The following SV2C variants were observed in gnomAD, a reference collection of about 807,000 sequenced individuals.
SV2C encodes the protein synaptic vesicle glycoprotein 2C.
Under a neutral mutation model 79.7 loss-of-function variants are expected in SV2C, and 49 were observed. The observed-to-expected ratio is 0.61, with a 90% CI of 0.49 to 0.78. SV2C has a LOEUF of 0.78. Among genes scored for constraint, SV2C ranks in the 30% least tolerant of loss-of-function variants. SV2C has a pLI of 0.00. For synonymous variants in SV2C, 334 were observed against 333.2 expected (o/e 1.00, Z -0.03); for missense variants, 833 against 912.9 (o/e 0.91, Z 1.13).
chr5:76,181,178 A>C (rs1035803938), intron 2 of SV2C, among the ~76,000 whole-genome samples: 35 of 152,252 alleles, frequency 2.3e-4, no homozygotes, highest in African/African-American at 8.2e-4. Context: ...ATGACAACCA[A>C]CAGCTCCGAT....
At chr5:76,049,421 C>T in the SV2C span, among the ~76,000 whole-genome samples, 2 of 151,600 alleles carry the variant, frequency 1.3e-5, no homozygotes, top group Admixed American at 6.6e-5. Flanking sequence ...ATGAACTTTA[C>T]AGATTTCATT....
intron 1 of SV2C, among the ~76,000 whole-genome samples, chr5:76,098,808 C>G (rs1747644253): frequency 6.6e-6 from 1 of 152,200 alleles, no homozygotes; most frequent in African/African-American, 2.4e-5. Context: ...GACCATGAAT[C>G]CAGGTCATCT....
chr5:75,981,196 C>T, the SV2C span, among the ~76,000 whole-genome samples: 1 of 151,872 alleles, frequency 6.6e-6, no homozygotes, highest in Non-Finnish European at 1.5e-5. Context: ...CTATACAAAC[C>T]ACTGCTCAAA....
chr5:75,896,837 C>A, the SV2C span, among the ~76,000 whole-genome samples: 1 of 148,698 alleles, frequency 6.7e-6, no homozygotes, highest in African/African-American at 2.6e-5. Context: ...AGCATTTTTT[C>A]ATGTGTTTTT....
At chr5:75,900,445 A>C in the SV2C span, among the ~76,000 whole-genome samples, 13 of 152,258 alleles carry the variant, frequency 8.5e-5, no homozygotes, top group Admixed American at 7.2e-4. Flanking sequence ...TGTTAGTCTG[A>C]TGGGCTTCCC....
chr5:76,353,246 T>G, exon 13 of SV2C: 2 of 289,666 alleles, frequency 6.9e-6, no homozygotes, highest in Non-Finnish European at 1.4e-5. Flanking sequence ...CACCTGGCTT[T>G]CTTTCCATTT....
intron 2 of SV2C, among the ~76,000 whole-genome samples, chr5:76,138,169 T>C (rs1398569324): frequency 6.6e-6 from 1 of 152,202 alleles, no homozygotes; most frequent in African/African-American, 2.4e-5. Context: ...GCAAACCCTG[T>C]CATTTTAAAG....
chr5:76,041,243 C>G, the SV2C span, among the ~76,000 whole-genome samples: 1 of 152,166 alleles, frequency 6.6e-6, no homozygotes, highest in Non-Finnish European at 1.5e-5. Context: ...CATAAATGTA[C>G]CTGGACTAGA....
intron 2 of SV2C, among the ~76,000 whole-genome samples, chr5:76,152,391 T>G (rs1749631559): frequency 6.6e-6 from 1 of 152,206 alleles, no homozygotes; most frequent in Non-Finnish European, 1.5e-5. Context: ...AAAATTTCCA[T>G]CTTTGTAGCC....
chr5:75,981,960 A>C, the SV2C span, among the ~76,000 whole-genome samples: 11 of 152,092 alleles, frequency 7.2e-5, no homozygotes, highest in East Asian at 2.1e-3. Flanking sequence ...AATTTTTGCA[A>C]ACTATACATC....
the SV2C span, among the ~76,000 whole-genome samples, chr5:75,967,518 G>A: frequency 2.6e-5 from 4 of 152,208 alleles, no homozygotes; most frequent in South Asian, 2.1e-4. Flanking sequence ...CACACCAGGA[G>A]TTTATATCCC....
At chr5:76,210,685 C>A (rs968456768) in intron 4 of SV2C, among the ~76,000 whole-genome samples, 8 of 152,174 alleles carry the variant, frequency 5.3e-5, no homozygotes, top group African/African-American at 1.9e-4. Context: ...AGCCCCTCTC[C>A]CCTTCCTGGA....
At chr5:76,293,634 C>A (rs898715027) in intron 8 of SV2C, among the ~76,000 whole-genome samples, 2 of 152,104 alleles carry the variant, frequency 1.3e-5, no homozygotes, top group African/African-American at 4.8e-5. Context: ...TAAGTCATTT[C>A]TTCCTCAATA....
chr5:76,014,259 AGAAAGAAG>A, the SV2C span, among the ~76,000 whole-genome samples: 4 of 141,620 alleles, frequency 2.8e-5, no homozygotes, highest in Admixed American at 7.3e-5. Flanking sequence ...AAGAAAGGAA[AGAAAGAAG>A]GAAAGAAAGA....
chr5:75,962,881 G>A, the SV2C span, among the ~76,000 whole-genome samples: 1 of 152,078 alleles, frequency 6.6e-6, no homozygotes, highest in African/African-American at 2.4e-5. Context: ...CCAGAAAAAT[G>A]AGAAAAGATG....
intron 1 of SV2C, 58 bp from the exon 2 acceptor site, chr5:76,131,592 T>TA (rs908074094): frequency 3.9e-5 from 18 of 460,496 alleles, no homozygotes; most frequent in African/African-American, 2.8e-4. Context: ...AAATAGACGG[T>TA]AAAAAATATA....
At chr5:76,030,872 A>C in the SV2C span, among the ~76,000 whole-genome samples, 1 of 152,222 alleles carries the variant, frequency 6.6e-6, no homozygotes, top group Non-Finnish European at 1.5e-5. Flanking sequence ...GGGCCTCTCC[A>C]GGGGTGATAT....
chr5:76,027,970 T>C, the SV2C span, among the ~76,000 whole-genome samples: 1 of 152,228 alleles, frequency 6.6e-6, no homozygotes, highest in Non-Finnish European at 1.5e-5. Flanking sequence ...GCATGTGTTA[T>C]CAGTACTCAC....
At chr5:76,235,708 A>C (rs1190553735) in intron 4 of SV2C, among the ~76,000 whole-genome samples, 1 of 152,196 alleles carries the variant, frequency 6.6e-6, no homozygotes, top group Admixed American at 6.5e-5. Flanking sequence ...TTTTTCAAGC[A>C]TAATAAAACA....
Sources: gnomAD v4.1 joint callset for allele counts (sites outside exome capture counted in the v4.1 genomes callset) on GRCh38, gnomAD v4.1.1 for gene constraint, MANE v1.5 for transcripts, NCBI Gene and HGNC (gene_info 2026-07-23, HGNC 2026-07-21) for gene names.